CRYBG1: variants seen among roughly 807,000 people sequenced by gnomAD.
The protein encoded by CRYBG1 is crystallin beta-gamma domain containing 1.
Under a neutral mutation model 189.2 loss-of-function variants are expected in CRYBG1, and 139 were observed. That is an observed-to-expected ratio of 0.73 (90% CI 0.64 to 0.85). The LOEUF is 0.85. CRYBG1 is among the 40% of genes least tolerant of loss of function. The pLI is 0.00. For synonymous variants in CRYBG1, 1,023 were observed against 1,017.1 expected (o/e 1.01, Z -0.11); for missense variants, 2,611 against 2,675.8 (o/e 0.98, Z 0.53).
intron 2 of CRYBG1, among the ~76,000 whole-genome samples, chr6:106,476,665 A>G (rs1167904677): frequency 3.9e-5 from 6 of 152,204 alleles, no homozygotes; most frequent in Admixed American, 3.3e-4. Context: ...CCTCCCCATG[A>G]ATCACTATTA....
intron 21 of CRYBG1, among the ~76,000 whole-genome samples, chr6:106,564,589 CTG>C (rs1172507514): frequency 7.2e-6 from 1 of 139,510 alleles, no homozygotes. Flanking sequence ...TCCTCAGAGA[CTG>C]AGTCTGTAGG....
chr6:106,383,095 G>A (rs1354341287), intron 1 of CRYBG1, among the ~76,000 whole-genome samples: 1 of 152,070 alleles, frequency 6.6e-6, no homozygotes, highest in East Asian at 1.9e-4. Context: ...GAGGTAGTGA[G>A]TTCAACTTGA....
intron 15 of CRYBG1, among the ~76,000 whole-genome samples, chr6:106,552,669 T>C (rs1032950049): frequency 1.3e-5 from 2 of 151,872 alleles, no homozygotes; most frequent in East Asian, 3.8e-4. Context: ...GAAAGCATAA[T>C]TGTATTTAAA....
At position 106,544,620 on chromosome 6, in the gene CRYBG1, G is replaced by T; in HGVS notation, c.5089G>T (p.Glu1697Ter). 6.2e-7 allele frequency: 1 copy of T among 1,614,012 alleles called. No homozygotes were observed. The highest frequency in any genetic ancestry group is 1.1e-5 in the South Asian group (1 of 91,076). The change falls in exon 12 of 22, where the codon GAA becomes TAA. Residue 1697 changes from glutamate (E) to a stop codon, truncating the protein, a stop_gained. Coordinates refer to ENST00000633556, the MANE Select transcript of CRYBG1 (RefSeq NM_001371242.2). LOFTEE classifies it high-confidence loss of function. ...ATTTACCGGTCATCAGTATTTGCTAGAAGAAGGAGAATACAGGGACTGGAA... is the reference window on the plus strand; with the variant it reads ...ATTTACCGGTCATCAGTATTTGCTATAAGAAGGAGAATACAGGGACTGGAA... ...PGFTGHQYLL[E>*]EGEYRDWKAW...
intron 1 of CRYBG1, among the ~76,000 whole-genome samples, chr6:106,431,809 A>AGG (rs1250136689): frequency 2.0e-5 from 3 of 152,042 alleles, no homozygotes; most frequent in African/African-American, 7.2e-5. Flanking sequence ...CACCCTACAG[A>AGG]GGGCCAGCTG....
chr6:106,523,816 C>G lies in CRYBG1; in HGVS notation c.4246-1317C>G, dbSNP rs529293930. Among the ~76,000 whole-genome samples, 11 of 151,830 alleles carry G rather than the reference C, an allele frequency of 7.2e-5. 1 individual carries two copies. In the East Asian group the frequency reaches 2.1e-3, roughly 29 times the overall value. On this transcript the variant is annotated intron_variant, in intron 4 of 21. Coordinates refer to ENST00000633556, the MANE Select transcript of CRYBG1 (RefSeq NM_001371242.2). The stretch of plus-strand genomic sequence containing the variant: ...ATGATCTCAGCTCACTGCAACCTCT[C>G]TGCCTTCCAGGTTCAAGCGATTTTC...
intron 3 of CRYBG1, among the ~76,000 whole-genome samples, chr6:106,513,889 G>T (rs909057906): frequency 5.3e-5 from 8 of 152,200 alleles, no homozygotes; most frequent in African/African-American, 1.9e-4. Context: ...CATTTCACAA[G>T]TAATTTATTT....
intron 1 of CRYBG1, among the ~76,000 whole-genome samples, chr6:106,409,035 A>AGAGAAAGAAAT (rs200343217): frequency 0.016 from 2,403 of 152,242 alleles, 73 homozygotes; most frequent in African/African-American, 0.055. Context: ...TAATCAGGCA[A>AGAGAAAGAAAT]GAGAAAGAAA....
In CRYBG1 at chr6:106,451,756, G is replaced by C. The variant is rs981946021; in HGVS notation, c.236G>C (p.Cys79Ser). 5.2e-6 allele frequency: 8 copies of C among 1,535,006 alleles called. No homozygotes were observed. Among genetic ancestry groups the C allele is most frequent in the Admixed American group, 3.9e-5 (2 of 50,956 alleles). ...GACTCCCAGGAATTTCCACTGCACT[G>C]TGGGGAATCCCAGTTCTTCCACACC... ...VRDSQEFPLHCGESQFFHTTS... is the reference protein window; with the variant it reads ...VRDSQEFPLHSGESQFFHTTS... Residue 79 changes from cysteine to serine, a missense_variant, in exon 2 of 22, where the codon TGT (cysteine) becomes TCT (serine). Cys to Ser is a moderately radical substitution (Grantham distance 112). Around this residue, in one of 3 missense-constraint regions of CRYBG1, gnomAD observed 985 missense variants for 924.4 expected, o/e 1.07. Coordinates refer to ENST00000633556, the MANE Select transcript of CRYBG1 (RefSeq NM_001371242.2).
intron 1 of CRYBG1, among the ~76,000 whole-genome samples, chr6:106,399,404 A>G (rs1220279197): frequency 6.6e-6 from 1 of 152,192 alleles, no homozygotes; most frequent in Non-Finnish European, 1.5e-5. Context: ...TTTATAACTT[A>G]TTTGATGCCC....
chr6:106,444,803 C>G (rs1401897335), intron 1 of CRYBG1, among the ~76,000 whole-genome samples: 2 of 152,144 alleles, frequency 1.3e-5, no homozygotes, highest in African/African-American at 4.8e-5. Flanking sequence ...AACATTTCTG[C>G]ACCACACAGC....
chr6:106,360,961 G>A lies in CRYBG1; in HGVS notation c.53G>A (p.Arg18Lys), dbSNP rs1387469858. 1 of 1,535,218 alleles carries A rather than the reference G, an allele frequency of 6.5e-7. No individual in the cohort carries two copies. Among genetic ancestry groups the A allele is most frequent in the Admixed American group, 2.0e-5 (1 of 50,986 alleles). ...QGDPGEPSPCRPPKKHTTFHL... is the reference protein window; with the variant it reads ...QGDPGEPSPCKPPKKHTTFHL... Reference sequence around the variant, plus strand: ...GACCCCGGGGAGCCCAGCCCGTGCAGGCCCCCTAAGAAGCACACCACCTTC... The same window carrying A: ...GACCCCGGGGAGCCCAGCCCGTGCAAGCCCCCTAAGAAGCACACCACCTTC... Residue 18 changes from arginine (R) to lysine (K), a missense_variant, in exon 1 of 22, where the codon AGG becomes AAG. Physicochemically the swap from Arg to Lys is conservative, Grantham distance 26. Coordinates refer to ENST00000633556, the MANE Select transcript of CRYBG1 (RefSeq NM_001371242.2).
chr6:106,392,296 G>A (rs1011209947), intron 1 of CRYBG1, among the ~76,000 whole-genome samples: 1 of 152,126 alleles, frequency 6.6e-6, no homozygotes, highest in East Asian at 1.9e-4. Flanking sequence ...AGAGAGGAAA[G>A]CTACCCCATC....
chr6:106,440,671 T>C (rs767075661), intron 1 of CRYBG1, among the ~76,000 whole-genome samples: 26 of 152,238 alleles, frequency 1.7e-4, no homozygotes, highest in Middle Eastern at 3.2e-3. Flanking sequence ...TAGTGATGCA[T>C]TTGTGTGACG....
chr6:106,483,789 T>A (rs752114642), intron 2 of CRYBG1, among the ~76,000 whole-genome samples: 1 of 152,228 alleles, frequency 6.6e-6, no homozygotes, highest in African/African-American at 2.4e-5. Flanking sequence ...CATTTTTTCA[T>A]AAACCTGTTG....
In CRYBG1 at chr6:106,544,908, C is replaced by T; in HGVS notation, c.5287C>T (p.Gln1763Ter). The change falls in exon 13 of 22, where the codon CAG becomes TAG. Residue 1763 changes from glutamine to a stop codon, truncating the protein, a stop_gained. Transcript: ENST00000633556. LOFTEE classifies it high-confidence loss of function. ...GGAGACTGGATATGGAGTGAAGACACAGTCTATTAATGTACTGAGTGGAGT... is the reference window on the plus strand; with the variant it reads ...GGAGACTGGATATGGAGTGAAGACATAGTCTATTAATGTACTGAGTGGAGT... ...LKETGYGVKT[Q>*]SINVLSGVWV... is the part of the protein sequence containing the mutation. 6.2e-7 allele frequency: 1 copy of T among 1,612,408 alleles called. No individual in the cohort carries two copies.
rs1301083924 is a variant in CRYBG1 at position 106,371,317 on chromosome 6, T to C, written c.173+10236T>C. 2.6e-5 allele frequency among the ~76,000 whole-genome samples: 4 copies of C among 152,354 alleles called. No individual in the cohort carries two copies. In the East Asian group the frequency reaches 5.8e-4, roughly 22 times the overall value. On this transcript the variant is annotated intron_variant, in intron 1 of 21. Coordinates refer to ENST00000633556, the MANE Select transcript of CRYBG1 (RefSeq NM_001371242.2). Reference sequence around the variant, plus strand: ...TGATAGTTGAAGCAACTGTTGACATTCACACTGAAATTCAATGTCTCCTTT... The same window carrying C: ...TGATAGTTGAAGCAACTGTTGACATCCACACTGAAATTCAATGTCTCCTTT...
chr6:106,519,009 C>CACACT, intron 3 of CRYBG1, 122 bp from the exon 4 acceptor site: 1 of 787,284 alleles, frequency 1.3e-6, no homozygotes, highest in Non-Finnish European at 1.9e-6. Context: ...ACACACACAC[C>CACACT]ACACTCCAAA....
At chr6:106,362,963 A>G (rs1386290971) in intron 1 of CRYBG1, among the ~76,000 whole-genome samples, 1 of 152,156 alleles carries the variant, frequency 6.6e-6, no homozygotes, top group African/African-American at 2.4e-5. Flanking sequence ...TTAAAATAGG[A>G]GGCCGGGCGC....
Sources: gnomAD v4.1 joint callset for allele counts (sites outside exome capture counted in the v4.1 genomes callset) on GRCh38, gnomAD v4.1.1 for gene constraint, gnomAD v4.1.1 regional missense constraint, MANE v1.5 for transcripts, NCBI Gene and HGNC (gene_info 2026-07-23, HGNC 2026-07-21) for gene names.